DSCAM: variants seen among roughly 807,000 people sequenced by gnomAD.
DSCAM encodes the protein DS cell adhesion molecule.
In DSCAM, 47 loss-of-function variants were observed where a neutral mutation model predicts 217.7. The observed-to-expected ratio is 0.22, with a 90% CI of 0.17 to 0.28. DSCAM has a LOEUF of 0.28. DSCAM is among the 10% of genes least tolerant of loss of function. The pLI, the probability that DSCAM is intolerant of heterozygous loss-of-function variation, is 1.00. For synonymous variants in DSCAM, 1,056 were observed against 1,015.3 expected (o/e 1.04, Z -0.76); for missense variants, 2,080 against 2,618.3 (o/e 0.79, Z 4.49).
chr21:40,377,771 G>C (rs1164182026), intron 3 of DSCAM, among the ~76,000 whole-genome samples: 2 of 152,098 alleles, frequency 1.3e-5, no homozygotes, highest in African/African-American at 4.8e-5. Flanking sequence ...AGGAGGCATG[G>C]AGGACACAAG....
At chr21:40,408,358 G>A (rs2075295928) in intron 3 of DSCAM, among the ~76,000 whole-genome samples, 1 of 152,022 alleles carries the variant, frequency 6.6e-6, no homozygotes, top group African/African-American at 2.4e-5. Flanking sequence ...ATTATCATTA[G>A]AATGGGAAAC....
At chr21:40,238,826 A>G (rs577190460) in intron 11 of DSCAM, among the ~76,000 whole-genome samples, 31 of 152,296 alleles carry the variant, frequency 2.0e-4, no homozygotes, top group African/African-American at 7.5e-4. Flanking sequence ...GTAATTTTCT[A>G]GAATCCTACC....
chr21:40,056,431 T>A (rs2089024919), intron 28 of DSCAM, among the ~76,000 whole-genome samples: 1 of 151,984 alleles, frequency 6.6e-6, no homozygotes, highest in African/African-American at 2.4e-5. Flanking sequence ...CATAATTTAA[T>A]CTCAAAATTT....
In DSCAM at chr21:40,824,035, C is replaced by T. The variant is rs568306477; in HGVS notation, c.43+22584G>A. On this transcript the variant is annotated intron_variant, in intron 1 of 32. Transcript: ENST00000400454. ...AAATCTATCCACAGCTTTAGTTTAA[C>T]GGTAAACTCACATTGTGAGACACCG... 1.2e-4 allele frequency among the ~76,000 whole-genome samples: 18 copies of T among 152,210 alleles called. No individual in the cohort carries two copies. In the Middle Eastern group the frequency reaches 0.01, roughly 86 times the overall value.
intron 3 of DSCAM, among the ~76,000 whole-genome samples, chr21:40,655,749 C>A (rs938506315): frequency 2.0e-5 from 3 of 152,070 alleles, no homozygotes; most frequent in Non-Finnish European, 1.5e-5. Flanking sequence ...CACTATTCAA[C>A]CTCTTTTTTA....
At chr21:40,278,974 T>C (rs2073724732) in intron 10 of DSCAM, among the ~76,000 whole-genome samples, 1 of 152,226 alleles carries the variant, frequency 6.6e-6, no homozygotes, top group South Asian at 2.1e-4. Context: ...TGTAGGATAA[T>C]TGTACATTTA....
intron 9 of DSCAM, among the ~76,000 whole-genome samples, chr21:40,307,357 G>A (rs1375032659): frequency 6.6e-6 from 1 of 152,154 alleles, no homozygotes; most frequent in South Asian, 2.1e-4. Context: ...GGCCATCAGA[G>A]AAATGCAAAT....
chr21:40,677,944 G>C (rs1396977958), intron 3 of DSCAM, among the ~76,000 whole-genome samples: 1 of 151,782 alleles, frequency 6.6e-6, no homozygotes, highest in Non-Finnish European at 1.5e-5. Context: ...ATGGTAACTT[G>C]TTAATGCAGC....
At chr21:40,214,016 GC>G (rs2091213947) in intron 11 of DSCAM, among the ~76,000 whole-genome samples, 1 of 152,176 alleles carries the variant, frequency 6.6e-6, no homozygotes, top group African/African-American at 2.4e-5. Flanking sequence ...TGGAGTCATT[GC>G]CCCCATAGAG....
rs954750761 is a variant in DSCAM at position 40,114,296 on chromosome 21, A to C, written c.3696+9899T>G. Among the ~76,000 whole-genome samples the C allele has an allele frequency of 1.5e-3, 231 of 149,712 alleles. 2 individuals carry two copies. The highest frequency in any genetic ancestry group is 4.8e-3 in the African/African-American group (198 of 41,042). ...TATCTGATCTTTGACAAACCTGAGA[A>C]AAACAAGCAATGGGGAAAGGATTCC... On this transcript the variant is annotated intron_variant, in intron 20 of 32. Coordinates refer to ENST00000400454, the MANE Select transcript of DSCAM (RefSeq NM_001389.5).
intron 8 of DSCAM, among the ~76,000 whole-genome samples, chr21:40,331,176 T>G (rs889533412): frequency 2.0e-5 from 3 of 152,170 alleles, no homozygotes; most frequent in Non-Finnish European, 4.4e-5. Context: ...AGTGACAGAT[T>G]AAGAATGAAA....
intron 1 of DSCAM, among the ~76,000 whole-genome samples, chr21:40,720,201 G>C (rs1360747707): frequency 6.6e-6 from 1 of 152,202 alleles, no homozygotes; most frequent in South Asian, 2.1e-4. Flanking sequence ...ATAGGAATAC[G>C]TGAGTGGGTA....
intron 1 of DSCAM, among the ~76,000 whole-genome samples, chr21:40,780,985 T>C (rs1202816257): frequency 6.6e-6 from 1 of 150,986 alleles, no homozygotes; most frequent in Non-Finnish European, 1.5e-5. Context: ...ATGTTTAACA[T>C]GTATCTCTTG....
In DSCAM at chr21:40,845,540, C is replaced by CCTCTCTCTCTCTCT. The variant is rs71332310; in HGVS notation, c.43+1065_43+1078dup. The stretch of plus-strand genomic sequence containing the variant: ...CTCTTCTTTTACCTTCTCTTCTTCT[C>CCTCTCTCTCTCTCT]CTCTCTCTCTCTCTCTCTCTCTCTC... On this transcript the variant is annotated intron_variant, in intron 1 of 32. Transcript: ENST00000400454. Among the ~76,000 whole-genome samples, 1,284 of 138,920 alleles carry CCTCTCTCTCTCTCT rather than the reference C, an allele frequency of 9.2e-3. 17 individuals carry two copies. The highest frequency in any genetic ancestry group is 0.024 in the Middle Eastern group (7 of 288). 91.1% of individuals were successfully genotyped at this position (138,920 alleles called of 152,430 possible).
intron 3 of DSCAM, among the ~76,000 whole-genome samples, chr21:40,669,212 A>C (rs1048950737): frequency 1.3e-5 from 2 of 152,126 alleles, no homozygotes; most frequent in African/African-American, 4.8e-5. Flanking sequence ...TCAGTGTCTT[A>C]TCTATATGAT....
intron 3 of DSCAM, among the ~76,000 whole-genome samples, chr21:40,585,440 A>AG (rs1568922558): frequency 3.8e-5 from 3 of 79,484 alleles, no homozygotes; most frequent in Non-Finnish European, 5.9e-5. Context: ...AAAAAAAAAA[A>AG]AAAGAAAAAT....
At chr21:40,561,432 A>G (rs2076719863) in intron 3 of DSCAM, among the ~76,000 whole-genome samples, 1 of 152,214 alleles carries the variant, frequency 6.6e-6, no homozygotes, top group East Asian at 1.9e-4. Context: ...TCTTAGGAAT[A>G]ATGTAAACTC....
At chr21:40,269,269 G>T (rs2073582623) in intron 11 of DSCAM, among the ~76,000 whole-genome samples, 1 of 152,190 alleles carries the variant, frequency 6.6e-6, no homozygotes, top group Admixed American at 6.5e-5. Flanking sequence ...CTCTTTTGCA[G>T]AGTCCCGTAT....
chr21:40,039,363 G>T (rs1568905851), intron 32 of DSCAM, among the ~76,000 whole-genome samples: 1 of 136,758 alleles, frequency 7.3e-6, no homozygotes, highest in African/African-American at 2.8e-5. Context: ...CTGAAAGTTG[G>T]AGTAGATTTA....
Sources: allele counts gnomAD v4.1 joint callset (sites outside exome capture counted in the v4.1 genomes callset), GRCh38; gene constraint gnomAD v4.1.1; transcripts MANE v1.5; gene names NCBI Gene and HGNC (gene_info 2026-07-23, HGNC 2026-07-21).